The following ZNF438 variants were observed in gnomAD, a reference collection of about 807,000 sequenced individuals.
The protein encoded by ZNF438 is zinc finger protein 438.
ZNF438 carries 25 observed loss-of-function variants against 38.0 expected under a neutral mutation model. That is an observed-to-expected ratio of 0.66 (90% CI 0.48 to 0.92). The LOEUF (loss-of-function observed/expected upper bound fraction) is 0.92, where lower values mean the gene tolerates loss of function less well. Ranked by LOEUF, ZNF438 falls within the 40% of genes least tolerant of loss-of-function variation. The pLI is 0.00. For missense variants in ZNF438, 1,007 were observed against 999.6 expected (o/e 1.01, Z -0.10); for synonymous variants, 372 against 364.1 (o/e 1.02, Z -0.25).
chr10:30,928,802 A>G (rs559010742), intron 2 of ZNF438, among the ~76,000 whole-genome samples: 54 of 152,216 alleles, frequency 3.5e-4, no homozygotes, highest in Non-Finnish European at 5.0e-4. Flanking sequence ...GTTGGGGAAC[A>G]TTGCTGTCCA....
intron 4 of ZNF438, among the ~76,000 whole-genome samples, chr10:30,864,565 T>C (rs2036118165): frequency 6.6e-6 from 1 of 152,258 alleles, no homozygotes; most frequent in African/African-American, 2.4e-5. Flanking sequence ...GTTTGTTTTG[T>C]TACTGACAGG....
intron 4 of ZNF438, chr10:30,875,502 C>T (rs2038271553): frequency 1.0e-6 from 1 of 985,380 alleles, no homozygotes; most frequent in Non-Finnish European, 1.2e-6. Flanking sequence ...TAAGCTTCTC[C>T]TTGCTTGCTT....
At chr10:30,960,925 C>T (rs151248653) in intron 1 of ZNF438, among the ~76,000 whole-genome samples, 2 of 146,264 alleles carry the variant, frequency 1.4e-5, no homozygotes, top group African/African-American at 4.9e-5. Context: ...TTCCCACCCC[C>T]GACACTCACA....
rs116327481 is a variant in ZNF438 at position 30,892,424 on chromosome 10, T to C, written c.-31-15359A>G. On this transcript the variant is annotated intron_variant, in intron 3 of 5. Transcript: ENST00000413025. The stretch of plus-strand genomic sequence containing the variant: ...TGGTCTCTATCAAAACTCTATCTTA[T>C]TGTACTGTATCTCAGGTAACTGAAA... Among the ~76,000 whole-genome samples, 903 of 152,324 alleles carry C rather than the reference T, an allele frequency of 5.9e-3. 8 individuals carry two copies. Among genetic ancestry groups the C allele is most frequent in the African/African-American group, 0.021 (870 of 41,572 alleles).
chr10:31,004,214 T>C (rs1054927478), intron 1 of ZNF438, among the ~76,000 whole-genome samples: 1 of 152,136 alleles, frequency 6.6e-6, no homozygotes, highest in Non-Finnish European at 1.5e-5. Context: ...CCCCTGACAC[T>C]GAAAAAATTT....
intron 4 of ZNF438, chr10:30,857,812 GAGGAA>G: frequency 7.5e-7 from 1 of 1,341,264 alleles, no homozygotes; most frequent in East Asian, 2.7e-5. Flanking sequence ...AAAGGCAGTG[GAGGAA>G]AGAATGAGGG....
chr10:30,995,286 G>T (rs1248476764), intron 1 of ZNF438, among the ~76,000 whole-genome samples: 1 of 152,082 alleles, frequency 6.6e-6, no homozygotes, highest in Non-Finnish European at 1.5e-5. Context: ...GTACAAAGCA[G>T]CCCCCAATAC....
chr10:30,845,371 A>C lies in ZNF438; in HGVS notation c.2077T>G (p.Leu693Val), dbSNP rs35346752. 3,706 of 1,613,544 alleles carry C rather than the reference A, an allele frequency of 2.3e-3. 83 individuals carry two copies. In the African/African-American group the frequency reaches 0.044, roughly 19 times the overall value. ...CAGTCGGGGCTAGCGTGCTGCACCA[A>C]CTCTTCCTGAGTCCCCTTGCTTCCT... Residue 693 changes from leucine (L) to valine (V), a missense_variant, in exon 6 of 6, where the codon TTG (leucine) becomes GTG (valine). Leu to Val is a conservative substitution (Grantham distance 32). Coordinates refer to ENST00000413025, the Ensembl canonical transcript of ZNF438.
At chr10:30,995,574 A>G (rs1564817373) in intron 1 of ZNF438, among the ~76,000 whole-genome samples, 1 of 152,232 alleles carries the variant, frequency 6.6e-6, no homozygotes, top group African/African-American at 2.4e-5. Context: ...AAAGCATGCC[A>G]GTAAAGGAAA....
At chr10:31,030,326 T>C (rs920045870) in intron 1 of ZNF438, among the ~76,000 whole-genome samples, 1 of 152,222 alleles carries the variant, frequency 6.6e-6, no homozygotes, top group African/African-American at 2.4e-5. Flanking sequence ...GCACGTATTG[T>C]TCGTTGTCTA....
intron 3 of ZNF438, among the ~76,000 whole-genome samples, chr10:30,903,362 A>C (rs2042255667): frequency 6.6e-6 from 1 of 152,192 alleles, no homozygotes; most frequent in Non-Finnish European, 1.5e-5. Context: ...CAGCTTTTAG[A>C]AGTTATAAGA....
intron 4 of ZNF438, among the ~76,000 whole-genome samples, chr10:30,874,909 T>C (rs1034557350): frequency 1.1e-4 from 16 of 152,000 alleles, no homozygotes; most frequent in Admixed American, 6.6e-4. Context: ...ACTTACTGGT[T>C]GGTGGTCTTG....
chr10:30,906,954 T>A (rs983135208), intron 3 of ZNF438, among the ~76,000 whole-genome samples: 1 of 152,186 alleles, frequency 6.6e-6, no homozygotes, highest in African/African-American at 2.4e-5. Context: ...TAGATTTAAT[T>A]TTCCAGTATT....
chr10:30,877,796 T>A (rs1488305973), intron 3 of ZNF438, among the ~76,000 whole-genome samples: 1 of 152,194 alleles, frequency 6.6e-6, no homozygotes, highest in Non-Finnish European at 1.5e-5. Flanking sequence ...AAGTAAATTT[T>A]TTTATAAGTT....
rs565020605 is a variant in ZNF438, at chr10:30,904,127, C to T, written c.-32+4806G>A. Among the ~76,000 whole-genome samples, 4 of 152,172 alleles carry T rather than the reference C, an allele frequency of 2.6e-5. No individual in the cohort carries two copies. The South Asian group carries it at 8.3e-4, about 32-fold the overall frequency. ...TAATTTTCCAAAATTTGTACTCTCC[C>T]CAAATATTTGCTATCAGCAAATCAC... On this transcript the variant is annotated intron_variant, in intron 3 of 5. Coordinates refer to ENST00000413025, the Ensembl canonical transcript of ZNF438.
intron 2 of ZNF438, among the ~76,000 whole-genome samples, chr10:30,921,744 C>T (rs539452605): frequency 5.9e-5 from 9 of 152,316 alleles, no homozygotes; most frequent in Admixed American, 5.9e-4. Context: ...AACTGAGGAA[C>T]ATCCGAGGCT....
At chr10:31,020,146 C>G (rs909061808) in intron 1 of ZNF438, among the ~76,000 whole-genome samples, 1 of 152,114 alleles carries the variant, frequency 6.6e-6, no homozygotes, top group Admixed American at 6.5e-5. Flanking sequence ...CTGCAGATAA[C>G]AAGAATAATG....
chr10:30,924,724 T>A (rs1351692411), intron 2 of ZNF438, among the ~76,000 whole-genome samples: 7 of 152,202 alleles, frequency 4.6e-5, no homozygotes, highest in Non-Finnish European at 1.0e-4. Context: ...TTCAAAAGTA[T>A]CAAATCCCTG....
intron 3 of ZNF438, among the ~76,000 whole-genome samples, chr10:30,897,371 G>T (rs879908111): frequency 2.0e-5 from 3 of 152,150 alleles, no homozygotes; most frequent in Admixed American, 2.0e-4. Context: ...ATGTTCTCTG[G>T]TGAGTTTATT....
Sources: gnomAD v4.1 joint callset for allele counts (sites outside exome capture counted in the v4.1 genomes callset) on GRCh38, gnomAD v4.1.1 for gene constraint, MANE v1.5 for transcripts, NCBI Gene and HGNC (gene_info 2026-07-23, HGNC 2026-07-21) for gene names.